The following CC2D2B variants were observed in gnomAD, a reference collection of about 807,000 sequenced individuals.
CC2D2B encodes coiled-coil and C2 domain containing 2B.
In CC2D2B, 128 loss-of-function variants were observed where a neutral mutation model predicts 161.2. That is an observed-to-expected ratio of 0.79 (90% CI 0.69 to 0.92). The LOEUF is 0.92. Ranked by LOEUF, CC2D2B falls within the 40% of genes least tolerant of loss-of-function variation. CC2D2B has a pLI of 0.00. For synonymous variants in CC2D2B, 391 were observed against 449.8 expected, an observed-to-expected ratio of 0.87 and a Z score of 1.65; for missense variants, 1,173 against 1,375.1, an observed-to-expected ratio of 0.85 and a Z score of 2.32.
At chr10:96,012,119 G>A (rs1371862433) in intron 26 of CC2D2B, 66 bp from the exon 27 acceptor site, 1 of 561,796 alleles carries the variant, frequency 1.8e-6, no homozygotes. Context: ...ACTCTGCTGG[G>A]CCTAAATATT....
chr10:96,027,467 A>G (rs2079832857), intron 34 of CC2D2B, 78 bp downstream of exon 34: 1 of 1,069,558 alleles, frequency 9.3e-7, no homozygotes, highest in Non-Finnish European at 1.3e-6. Flanking sequence ...AGTCTTAAAT[A>G]TTTCTGAAAG....
chr10:95,947,199 G>A (rs1390269618), intron 9 of CC2D2B, among the ~76,000 whole-genome samples: 5 of 142,534 alleles, frequency 3.5e-5, no homozygotes, highest in Admixed American at 7.2e-5. Flanking sequence ...TGCAACCTCC[G>A]CCTCCTGGGT....
At chr10:96,005,597 A>G (rs1443025455) in intron 25 of CC2D2B, among the ~76,000 whole-genome samples, 5 of 152,096 alleles carry the variant, frequency 3.3e-5, no homozygotes, top group African/African-American at 9.7e-5. Context: ...CCCCTCCTGT[A>G]TATTTTCTTC....
chr10:96,025,174 T>TAAAAAAAAAAAAAAA (rs1564683948), intron 33 of CC2D2B, among the ~76,000 whole-genome samples: 1 of 15,100 alleles, frequency 6.6e-5, no homozygotes, highest in African/African-American at 2.7e-4. Flanking sequence ...TATATATATA[T>TAAAAAAAAAAAAAAA]ATATATATAT....
chr10:96,026,706 T>C (rs1204865098), intron 33 of CC2D2B, among the ~76,000 whole-genome samples: 2 of 152,120 alleles, frequency 1.3e-5, no homozygotes, highest in African/African-American at 2.4e-5. Flanking sequence ...AGGCTTCTTG[T>C]CTTCCCAAGC....
chr10:96,015,469 G>GT (rs60156277), intron 29 of CC2D2B, among the ~76,000 whole-genome samples: 67,755 of 147,934 alleles, frequency 0.46, 15,695 homozygotes, highest in Middle Eastern at 0.57. Flanking sequence ...GTTTGTTTTT[G>GT]TTTTTTTTTT....
At chr10:95,973,900 C>A in intron 16 of CC2D2B, 109 bp from the exon 17 acceptor site, 220 of 378,584 alleles carry the variant, frequency 5.8e-4, no homozygotes, top group Middle Eastern at 7.8e-4. Context: ...TAGCACAGAT[C>A]TTCCTTTGTG....
At chr10:96,019,490 A>T in intron 31 of CC2D2B, 153 bp downstream of exon 31, 1 of 849,000 alleles carries the variant, frequency 1.2e-6, no homozygotes, top group Non-Finnish European at 1.9e-6. Flanking sequence ...AAGCTCCTCC[A>T]GGTGATTGTG....
At chr10:95,922,506 TA>T (rs1390187352) in intron 3 of CC2D2B, among the ~76,000 whole-genome samples, 1 of 152,236 alleles carries the variant, frequency 6.6e-6, no homozygotes, top group Non-Finnish European at 1.5e-5. Flanking sequence ...CAAAACCAAC[TA>T]GTAATTTTTA....
Position 95,996,215 on chromosome 10 carries a change from C to T in CC2D2B, c.2812C>T (p.His938Tyr). The change falls in exon 24 of 35, where the codon CAT (histidine) becomes TAT (tyrosine). Residue 938 changes from histidine (H) to tyrosine (Y), a missense_variant. This residue lies in a region of CC2D2B where 598 missense variants were observed against 693.2 expected (regional missense o/e 0.86). Coordinates refer to ENST00000646931, the MANE Select transcript of CC2D2B (RefSeq NM_001349008.3). ...CAAAACCAATACAGCAAGTGGATCT[C>T]ATCCATGCTGGAATGAAGAAATTAA... Reference protein sequence around the residue: ...VYKTNTASGSHPCWNEEIKVD... With the variant: ...VYKTNTASGSYPCWNEEIKVD... The T allele has an allele frequency of 2.0e-6, 3 of 1,512,876 alleles. No individual in the cohort carries two copies. The highest frequency in any genetic ancestry group is 2.5e-5 in the East Asian group (1 of 40,524). The allele number at this position is 1,512,876 out of a possible 1,614,324, so 93.7% of individuals were successfully genotyped here.
chr10:95,910,363 C>G (rs1311159858), intron 1 of CC2D2B, among the ~76,000 whole-genome samples: 2 of 152,140 alleles, frequency 1.3e-5, no homozygotes, highest in Non-Finnish European at 2.9e-5. Flanking sequence ...AAGCATGGCT[C>G]TAACATCTGC....
intron 11 of CC2D2B, among the ~76,000 whole-genome samples, chr10:95,958,147 A>G (rs917039104): frequency 1.1e-4 from 16 of 152,022 alleles, no homozygotes; most frequent in Non-Finnish European, 2.2e-4. Flanking sequence ...TGCTCAAAGA[A>G]CTAAAGAAAG....
At chr10:96,025,010 G>T (rs2079631841) in intron 33 of CC2D2B, 99 bp downstream of exon 33, 4 of 671,638 alleles carry the variant, frequency 6.0e-6, no homozygotes, top group Non-Finnish European at 9.8e-6. Flanking sequence ...ACATGAAAAA[G>T]GAGTTTATAA....
At chr10:95,925,671 G>T (rs2098537136) in intron 5 of CC2D2B, among the ~76,000 whole-genome samples, 1 of 152,188 alleles carries the variant, frequency 6.6e-6, no homozygotes, top group East Asian at 1.9e-4. Flanking sequence ...CATTAAGATA[G>T]AAGTTTCCTT....
Position 95,938,624 on chromosome 10 carries a change from A to C in CC2D2B, c.591A>C (p.Glu197Asp). ...TGATGCCACGTATTCTAGAAGATGA[A>C]GGATTCTATATTCAGAGAAAGCCAG... Reference protein sequence around the residue: ...KDMMPRILEDEGFYIQRKPEI... With the variant: ...KDMMPRILEDDGFYIQRKPEI... The change falls in exon 8 of 35, where the codon GAA becomes GAC. Residue 197 changes from glutamate to aspartate, a missense_variant. Glu to Asp is a conservative substitution (Grantham distance 45, BLOSUM62 2). Around this residue, in one of 3 missense-constraint regions of CC2D2B, gnomAD observed 298 missense variants for 261.2 expected, o/e 1.14. Coordinates refer to ENST00000646931, the MANE Select transcript of CC2D2B (RefSeq NM_001349008.3). 1.4e-6 allele frequency: 1 copy of C among 713,368 alleles called. No homozygotes were observed. Among genetic ancestry groups the C allele is most frequent in the South Asian group, 1.5e-5 (1 of 66,386 alleles). The allele number at this position is 713,368 out of a possible 1,614,324, so 44.2% of individuals were successfully genotyped here.
At chr10:95,925,233 G>A (rs2098536314) in intron 5 of CC2D2B, among the ~76,000 whole-genome samples, 2 of 152,136 alleles carry the variant, frequency 1.3e-5, no homozygotes, top group African/African-American at 4.8e-5. Context: ...ACTTTTAAAC[G>A]GTGCATGCGG....
chr10:96,010,083 T>G (rs867853994), intron 26 of CC2D2B, among the ~76,000 whole-genome samples, 160 bp downstream of exon 26: 1 of 152,238 alleles, frequency 6.6e-6, no homozygotes, highest in East Asian at 1.9e-4. Flanking sequence ...GTTTGAAGAT[T>G]TGAACTGTCT....
At chr10:95,942,801 C>A (rs187012219) in intron 9 of CC2D2B, among the ~76,000 whole-genome samples, 37 of 151,958 alleles carry the variant, frequency 2.4e-4, no homozygotes, top group Non-Finnish European at 3.1e-4. Context: ...GCTGTTTATT[C>A]TTTTTTCTTA....
At chr10:95,918,360 T>A (rs2098520499) in intron 2 of CC2D2B, among the ~76,000 whole-genome samples, 1 of 152,228 alleles carries the variant, frequency 6.6e-6, no homozygotes, top group South Asian at 2.1e-4. Context: ...TTCTCCTTCA[T>A]CTTTGACGAT....
Sources: allele counts gnomAD v4.1 joint callset (sites outside exome capture counted in the v4.1 genomes callset), GRCh38; gene constraint gnomAD v4.1.1; regional missense constraint gnomAD v4.1.1; transcripts MANE v1.5; gene names NCBI Gene and HGNC (gene_info 2026-07-23, HGNC 2026-07-21).